Variants in ARID4A observed in about 807,000 individuals in gnomAD.
The protein encoded by ARID4A is AT-rich interaction domain 4A.
A neutral mutation model predicts 148.6 loss-of-function variants in ARID4A; 39 were observed. The ratio of observed to expected loss-of-function variants is 0.26; its 90% CI spans 0.20 to 0.34. The LOEUF (loss-of-function observed/expected upper bound fraction) is 0.34, where lower values mean the gene tolerates loss of function less well. Ranked by LOEUF, ARID4A falls within the 10% of genes least tolerant of loss-of-function variation. The probability of loss-of-function intolerance (pLI) is 1.00; values close to 1 mark genes in which losing one functional copy is unlikely to be tolerated. For missense variants in ARID4A, 1,265 were observed against 1,449.1 expected (o/e 0.87, Z 2.06); for synonymous variants, 475 against 481.2 (o/e 0.99, Z 0.17).
intron 11 of ARID4A, among the ~76,000 whole-genome samples, chr14:58,344,076 T>C (rs1322903104): frequency 1.3e-5 from 2 of 152,104 alleles, no homozygotes; most frequent in African/African-American, 2.4e-5. Context: ...ACAGGGGCCA[T>C]ACTAGAAAGG....
rs1339186864 is a variant in ARID4A, at chr14:58,299,815, A to G, written c.-40A>G. On this transcript the variant is annotated 5_prime_UTR_variant, in exon 2 of 24. Transcript: ENST00000355431. ...CCCCATAGTTCTAGCGACTGCGAAG[A>G]TAGCTCGCTGAGCTGGAACCCCACA... 1 of 1,614,164 alleles carries G rather than the reference A, an allele frequency of 6.2e-7. No individual in the cohort carries two copies. Among genetic ancestry groups the G allele is most frequent in the Admixed American group, 1.7e-5 (1 of 60,028 alleles).
In ARID4A at chr14:58,347,723, G is replaced by A; in HGVS notation, c.1249G>A (p.Val417Ile). The A allele has an allele frequency of 6.2e-7, 1 of 1,613,816 alleles. No homozygotes were observed. The highest frequency in any genetic ancestry group is 8.5e-7 in the Non-Finnish European group (1 of 1,179,884). ...FRTVHHHEPK[V>I]KEEKKDLEES... ...AACTGTTCATCACCATGAACCAAAA[G>A]TAAAAGAGGAAAAAAAAGACTTAGA... Residue 417 changes from valine to isoleucine, a missense_variant, in exon 15 of 24, where the codon GTA (valine) becomes ATA (isoleucine). By Grantham distance (29) the Val-to-Ile change is conservative (BLOSUM62 3). This residue lies in a region of ARID4A where 205 missense variants were observed against 196.9 expected (regional missense o/e 1.04). Coordinates refer to ENST00000355431, the MANE Select transcript of ARID4A (RefSeq NM_002892.4).
intron 8 of ARID4A, among the ~76,000 whole-genome samples, chr14:58,327,704 T>A (rs2033294158): frequency 6.6e-6 from 1 of 152,184 alleles, no homozygotes; most frequent in African/African-American, 2.4e-5. Flanking sequence ...TGGGGTCTCA[T>A]TCTGTCACCC....
intron 11 of ARID4A, among the ~76,000 whole-genome samples, chr14:58,336,263 CAT>C (rs1488220004): frequency 2.6e-5 from 4 of 152,122 alleles, no homozygotes; most frequent in South Asian, 4.1e-4. Flanking sequence ...CACTAAATGA[CAT>C]ATGTCTGTAA....
Position 58,341,678 on chromosome 14 carries a change from C to G in ARID4A, c.907-3017C>G, listed in dbSNP as rs1594928031. Among the ~76,000 whole-genome samples the G allele has an allele frequency of 2.0e-5, 3 of 152,286 alleles. No individual in the cohort carries two copies. In the South Asian group the frequency reaches 6.2e-4, roughly 32 times the overall value. On this transcript the variant is annotated intron_variant, in intron 11 of 23. Coordinates refer to ENST00000355431, the MANE Select transcript of ARID4A (RefSeq NM_002892.4). Reference sequence around the variant, plus strand: ...CCATTAGTAGATGTTTGAGCTTAATCTGAAGACATGTGCCTAAAGTCAAAA... The same window carrying G: ...CCATTAGTAGATGTTTGAGCTTAATGTGAAGACATGTGCCTAAAGTCAAAA...
At chr14:58,309,690 C>G (rs575918446) in intron 5 of ARID4A, among the ~76,000 whole-genome samples, 1 of 152,256 alleles carries the variant, frequency 6.6e-6, no homozygotes, top group East Asian at 1.9e-4. Context: ...ATAGAAATTT[C>G]AGTAATTCTA....
chr14:58,342,232 G>A (rs767479628), intron 11 of ARID4A, among the ~76,000 whole-genome samples: 8 of 152,092 alleles, frequency 5.3e-5, no homozygotes, highest in Non-Finnish European at 8.8e-5. Context: ...TTAAAACTTT[G>A]TTTATAGCAT....
Position 58,346,492 on chromosome 14 carries a change from G to T in ARID4A, c.1061G>T (p.Gly354Val). 6.2e-7 allele frequency: 1 copy of T among 1,605,644 alleles called. No homozygotes were observed. Among genetic ancestry groups the T allele is most frequent in the Non-Finnish European group, 8.5e-7 (1 of 1,173,904 alleles). The change falls in exon 13 of 24, where the codon GGT becomes GTT. Residue 354 changes from glycine (G) to valine (V), a missense_variant. Transcript: ENST00000355431. ...CTCTTCAGACTGGTTTATCATCAGG[G>T]TGGATGTGACAATGTAAGTATAACA... ...FKLFRLVYHQGGCDNIDSGAV... is the reference protein window; with the variant it reads ...FKLFRLVYHQVGCDNIDSGAV...
chr14:58,337,901 T>C (rs1349924277), intron 11 of ARID4A, among the ~76,000 whole-genome samples: 1 of 152,224 alleles, frequency 6.6e-6, no homozygotes, highest in African/African-American at 2.4e-5. Context: ...CTGGGTTTTT[T>C]ATCACAGGCC....
intron 11 of ARID4A, among the ~76,000 whole-genome samples, chr14:58,336,537 A>G (rs1462765019): frequency 2.9e-5 from 4 of 140,166 alleles, no homozygotes; most frequent in African/African-American, 1.1e-4. Context: ...ATTTGTCTTT[A>G]TTTGCTGTTT....
At chr14:58,341,965 A>T (rs552670977) in intron 11 of ARID4A, among the ~76,000 whole-genome samples, 134 of 152,334 alleles carry the variant, frequency 8.8e-4, no homozygotes, top group Admixed American at 2.0e-3. Context: ...CCCTTGAAAG[A>T]TGCAACAGTG....
At chr14:58,329,678 G>T in intron 10 of ARID4A, 74 bp downstream of exon 10, 1 of 1,261,266 alleles carries the variant, frequency 7.9e-7, no homozygotes, top group South Asian at 1.2e-5. Context: ...AAGCAAGACT[G>T]ATACTCTCTG....
intron 8 of ARID4A, among the ~76,000 whole-genome samples, chr14:58,326,451 G>T (rs2140183014): frequency 6.6e-6 from 1 of 152,242 alleles, no homozygotes; most frequent in Admixed American, 6.5e-5. Flanking sequence ...AAAAAAGTAG[G>T]AATGGGTTTG....
chr14:58,321,855 T>C (rs773904650), intron 7 of ARID4A, among the ~76,000 whole-genome samples: 1 of 152,224 alleles, frequency 6.6e-6, no homozygotes, highest in Non-Finnish European at 1.5e-5. Context: ...CTGCAAGATA[T>C]TATTATTCTC....
At position 58,299,843 on chromosome 14, in the gene ARID4A, TCAC is replaced by T; in HGVS notation, c.-9_-7del. ...GCTCGCTGAGCTGGAACCCCACAGA[TCAC>T]CAACAAAAATGAAGGTAAGTGGAGT... On this transcript the variant is annotated 5_prime_UTR_variant, in exon 2 of 24. Coordinates refer to ENST00000355431, the MANE Select transcript of ARID4A (RefSeq NM_002892.4). The T allele has an allele frequency of 6.2e-7, 1 of 1,614,180 alleles. No individual in the cohort carries two copies. Among genetic ancestry groups the T allele is most frequent in the Non-Finnish European group, 8.5e-7 (1 of 1,180,022 alleles).
intron 19 of ARID4A, among the ~76,000 whole-genome samples, chr14:58,361,829 CA>C (rs34572094): frequency 4.8e-4 from 73 of 152,170 alleles, no homozygotes; most frequent in African/African-American, 1.8e-3. Flanking sequence ...TGTTGGTGCC[CA>C]AAAAGTTGTG....
At position 58,329,304 on chromosome 14, in the gene ARID4A, T is replaced by C. The variant is rs113783301; in HGVS notation, c.663-224T>C. 4.3e-4 allele frequency among the ~76,000 whole-genome samples: 66 copies of C among 152,356 alleles called. No individual in the cohort carries two copies. The East Asian group carries it at 0.011, about 24-fold the overall frequency. ...ATTGTATAGATTGAAATATTGTGAA[T>C]GTGAGGCTCTCAATGTACTTTGAGT... is the stretch of plus-strand genomic sequence containing the variant. On this transcript the variant is annotated intron_variant, in intron 9 of 23. Transcript: ENST00000355431.
chr14:58,334,416 C>T (rs1479850641), intron 11 of ARID4A, among the ~76,000 whole-genome samples: 1 of 152,136 alleles, frequency 6.6e-6, no homozygotes, highest in African/African-American at 2.4e-5. Flanking sequence ...AAGTGCCTTA[C>T]TATGAATATA....
chr14:58,323,638 G>A, intron 8 of ARID4A, 21 bp downstream of exon 8: 2 of 1,586,808 alleles, frequency 1.3e-6, no homozygotes, highest in South Asian at 2.3e-5. Context: ...TTTCTTTGCA[G>A]AGTTAATCAG....
Sources: allele counts gnomAD v4.1 joint callset (sites outside exome capture counted in the v4.1 genomes callset), GRCh38; gene constraint gnomAD v4.1.1; regional missense constraint gnomAD v4.1.1; transcripts MANE v1.5; gene names NCBI Gene and HGNC (gene_info 2026-07-23, HGNC 2026-07-21).